RTN3: variants seen among roughly 807,000 people sequenced by gnomAD.
The protein encoded by RTN3 is reticulon-3.
A neutral mutation model predicts 77.8 loss-of-function variants in RTN3; 49 were observed. That is an observed-to-expected ratio of 0.63 (90% CI 0.50 to 0.80). The LOEUF is 0.80. RTN3 is among the 30% of genes least tolerant of loss of function. The pLI is 0.00. For missense variants in RTN3, 1,236 were observed against 1,211.9 expected (o/e 1.02, Z -0.29); for synonymous variants, 464 against 446.9 (o/e 1.04, Z -0.48).
At chr11:63,747,656 G>A (rs1378309312) in intron 3 of RTN3, among the ~76,000 whole-genome samples, 1 of 152,234 alleles carries the variant, frequency 6.6e-6, no homozygotes, top group East Asian at 1.9e-4. Context: ...TTTCAGAAGA[G>A]AGCTGTATAG....
At chr11:63,710,261 A>G (rs1177312851) in intron 2 of RTN3, among the ~76,000 whole-genome samples, 4 of 152,088 alleles carry the variant, frequency 2.6e-5, no homozygotes, top group Admixed American at 2.6e-4. Context: ...AAACTCCTGG[A>G]CTCAAGCAAT....
intron 3 of RTN3, among the ~76,000 whole-genome samples, chr11:63,733,499 AG>A (rs1165426466): frequency 2.6e-5 from 4 of 151,808 alleles, no homozygotes; most frequent in Non-Finnish European, 5.9e-5. Context: ...AAAAAAAAAA[AG>A]ATTGGATAAT....
intron 1 of RTN3, among the ~76,000 whole-genome samples, chr11:63,698,163 A>G (rs1942061314): frequency 6.9e-6 from 1 of 144,596 alleles, no homozygotes; most frequent in Admixed American, 6.9e-5. Context: ...ACAGTGTCTC[A>G]CTCTTGCCCA....
chr11:63,682,040 C>G (rs958293082), intron 1 of RTN3, among the ~76,000 whole-genome samples: 6 of 152,142 alleles, frequency 3.9e-5, no homozygotes, highest in Non-Finnish European at 5.9e-5. Context: ...CAAGACTGGG[C>G]AGGTGGGGAA....
intron 3 of RTN3, among the ~76,000 whole-genome samples, chr11:63,723,132 C>A (rs1408932269): frequency 6.6e-6 from 1 of 152,094 alleles, no homozygotes; most frequent in Non-Finnish European, 1.5e-5. Context: ...ATTATTTAAT[C>A]TAGCGTGAGA....
chr11:63,737,020 G>A (rs1230878029), intron 3 of RTN3, among the ~76,000 whole-genome samples: 1 of 146,968 alleles, frequency 6.8e-6, no homozygotes, highest in Non-Finnish European at 1.5e-5. Flanking sequence ...CTGTTCCTAA[G>A]CCAGAGTGCA....
In RTN3 at chr11:63,683,943, C is replaced by CTTTTTTTT. The variant is rs35837590; in HGVS notation, c.142+2187_142+2194dup. ...TATTTCTTTCTCTTTTCTTTTCTTT[C>CTTTTTTTT]TTTTTTTTTTTTTTTTTTTTTTTTT... On this transcript the variant is annotated intron_variant, in intron 1 of 8. Coordinates refer to ENST00000377819, the MANE Select transcript of RTN3 (RefSeq NM_001265589.2). 6.4e-4 allele frequency among the ~76,000 whole-genome samples: 38 copies of CTTTTTTTT among 58,944 alleles called. 2 individuals carry two copies. The highest frequency in any genetic ancestry group is 1.2e-3 in the African/African-American group (16 of 13,350). 38.7% of individuals were successfully genotyped at this position (58,944 alleles called of 152,430 possible).
Position 63,720,908 on chromosome 11 carries a change from T to C in RTN3, c.2406T>C (p.Asp802=), listed in dbSNP as rs375825683. 8 of 1,613,968 alleles carry C rather than the reference T, an allele frequency of 5.0e-6. No individual in the cohort carries two copies. In the South Asian group the frequency reaches 8.8e-5, roughly 18 times the overall value. Residue 802 remains aspartate (D), a synonymous_variant, in exon 3 of 9, where the codon GAT becomes GAC. Coordinates refer to ENST00000377819, the MANE Select transcript of RTN3 (RefSeq NM_001265589.2). ...AACGTAATGTCAAGAATGGATCTGA[T>C]CTTGGGATTTCCCAGAAGCCCATCA... ...ILERNVKNGS[D]LGISQKPITI...
intron 3 of RTN3, among the ~76,000 whole-genome samples, chr11:63,743,944 A>G (rs938445539): frequency 1.3e-4 from 20 of 151,842 alleles, no homozygotes; most frequent in African/African-American, 4.4e-4. Flanking sequence ...TGATGAAGGA[A>G]GATAAAGGTG....
rs577434344 is a variant in RTN3, at chr11:63,697,887, T to G, written c.143-6964T>G. 6.6e-5 allele frequency among the ~76,000 whole-genome samples: 10 copies of G among 152,120 alleles called. No individual in the cohort carries two copies. The East Asian group carries it at 1.9e-3, about 29-fold the overall frequency. On this transcript the variant is annotated intron_variant, in intron 1 of 8. Transcript: ENST00000377819. ...ACTTTTTTCTTCATTGGCTCCTTTC[T>G]GTCTTTCTGTAAATATACTTGTCAT...
At chr11:63,710,781 CCTT>C (rs2011142247) in intron 2 of RTN3, among the ~76,000 whole-genome samples, 1 of 152,114 alleles carries the variant, frequency 6.6e-6, no homozygotes, top group Non-Finnish European at 1.5e-5. Context: ...GCTCTGTCCT[CCTT>C]AGGAAGTTCT....
chr11:63,716,985 A>AAG (rs1232999367), intron 2 of RTN3, among the ~76,000 whole-genome samples: 1 of 149,060 alleles, frequency 6.7e-6, no homozygotes, highest in Non-Finnish European at 1.5e-5. Flanking sequence ...AAAACAAAAA[A>AAG]AAAAAAAAAA....
intron 3 of RTN3, among the ~76,000 whole-genome samples, chr11:63,739,129 G>A (rs943331044): frequency 2.6e-5 from 4 of 152,078 alleles, no homozygotes; most frequent in African/African-American, 9.7e-5. Context: ...CACCAGCAAC[G>A]TAAACTCTTG....
At chr11:63,714,858 A>G (rs1444416783) in intron 2 of RTN3, among the ~76,000 whole-genome samples, 1 of 152,184 alleles carries the variant, frequency 6.6e-6, no homozygotes, top group Non-Finnish European at 1.5e-5. Flanking sequence ...CATGGTGCTC[A>G]GCAGAGGATG....
At chr11:63,694,750 G>A (rs1200450309) in intron 1 of RTN3, among the ~76,000 whole-genome samples, 2 of 152,122 alleles carry the variant, frequency 1.3e-5, no homozygotes, top group Non-Finnish European at 2.9e-5. Flanking sequence ...GAGCCAGCGC[G>A]CCCAACCTTT....
intron 2 of RTN3, among the ~76,000 whole-genome samples, chr11:63,712,888 G>C (rs961332989): frequency 1.6e-4 from 24 of 152,124 alleles, no homozygotes; most frequent in African/African-American, 5.3e-4. Context: ...CTGAGGTTGG[G>C]AGTTCCAGAC....
At chr11:63,731,241 C>G (rs949438697) in intron 3 of RTN3, among the ~76,000 whole-genome samples, 9 of 151,964 alleles carry the variant, frequency 5.9e-5, no homozygotes, top group African/African-American at 2.2e-4. Context: ...CCACCACGCC[C>G]ACTAATTTTT....
intron 1 of RTN3, among the ~76,000 whole-genome samples, chr11:63,692,410 G>T (rs567020902): frequency 2.6e-5 from 4 of 151,982 alleles, no homozygotes; most frequent in Non-Finnish European, 5.9e-5. Flanking sequence ...TCTCATTGCA[G>T]TAGACTCAAT....
chr11:63,712,299 G>A (rs892960973), intron 2 of RTN3, among the ~76,000 whole-genome samples: 1 of 152,096 alleles, frequency 6.6e-6, no homozygotes, highest in Non-Finnish European at 1.5e-5. Flanking sequence ...TTTTGAGAAT[G>A]TGGTGTTTGG....
Sources: allele counts gnomAD v4.1 joint callset (sites outside exome capture counted in the v4.1 genomes callset), GRCh38; gene constraint gnomAD v4.1.1; transcripts MANE v1.5; gene names NCBI Gene and HGNC (gene_info 2026-07-23, HGNC 2026-07-21).